SLC24A2: variants seen among roughly 807,000 people sequenced by gnomAD.
SLC24A2 encodes the protein solute carrier family 24 member 2.
SLC24A2 carries 36 observed loss-of-function variants against 62.0 expected under a neutral mutation model. That is an observed-to-expected ratio of 0.58 (90% confidence interval 0.44 to 0.77). The LOEUF is 0.77. SLC24A2 is among the 30% of genes least tolerant of loss of function. SLC24A2 has a pLI of 0.00. For synonymous variants in SLC24A2, 358 were observed against 294.0 expected, an observed-to-expected ratio of 1.22 and a Z score of -2.23; for missense variants, 846 against 817.9, an observed-to-expected ratio of 1.03 and a Z score of -0.42.
the SLC24A2 span, among the ~76,000 whole-genome samples, chr9:20,148,441 T>A: frequency 6.6e-6 from 1 of 152,086 alleles, no homozygotes; most frequent in African/African-American, 2.4e-5. Flanking sequence ...ACTATGGGCA[T>A]GAAGTCAAAG....
chr9:19,907,976 A>G, the SLC24A2 span, among the ~76,000 whole-genome samples: 2 of 152,210 alleles, frequency 1.3e-5, no homozygotes, highest in Admixed American at 1.3e-4. Context: ...CAGAATTGGA[A>G]AAAACTACTT....
the SLC24A2 span, among the ~76,000 whole-genome samples, chr9:19,810,221 A>G: frequency 6.6e-6 from 1 of 152,296 alleles, no homozygotes; most frequent in South Asian, 2.1e-4. Context: ...ACCTGTGCTC[A>G]TGCCAGGCAC....
At chr9:20,108,058 C>G in the SLC24A2 span, among the ~76,000 whole-genome samples, 1 of 152,180 alleles carries the variant, frequency 6.6e-6, no homozygotes, top group African/African-American at 2.4e-5. Flanking sequence ...AGACACTTCA[C>G]AAAAGAAGAC....
chr9:19,609,820 T>C (rs996103579), intron 4 of SLC24A2, among the ~76,000 whole-genome samples: 14 of 152,298 alleles, frequency 9.2e-5, no homozygotes, highest in Admixed American at 8.5e-4. Flanking sequence ...AGGATGAAAC[T>C]GTTCCACTTC....
intron 5 of SLC24A2, among the ~76,000 whole-genome samples, chr9:19,592,445 C>A (rs577474876): frequency 6.6e-6 from 1 of 152,248 alleles, no homozygotes; most frequent in East Asian, 1.9e-4. Context: ...CATATTGCTT[C>A]ATTGCAAGAT....
chr9:19,700,831 C>G (rs115225174), intron 2 of SLC24A2, among the ~76,000 whole-genome samples: 1 of 152,144 alleles, frequency 6.6e-6, no homozygotes, highest in African/African-American at 2.4e-5. Context: ...CTTTAATTAA[C>G]CTTCTCCATT....
chr9:19,709,078 T>C (rs1405202139), intron 2 of SLC24A2, among the ~76,000 whole-genome samples: 3 of 151,672 alleles, frequency 2.0e-5, no homozygotes, highest in African/African-American at 7.3e-5. Flanking sequence ...AAACAACCCA[T>C]CAAAAAGGGG....
intron 2 of SLC24A2, among the ~76,000 whole-genome samples, chr9:19,706,379 C>CTTTTTTTTTTTTT: frequency 7.6e-6 from 1 of 131,934 alleles, no homozygotes; most frequent in Non-Finnish European, 1.6e-5. Flanking sequence ...GGTCTTGAAT[C>CTTTTTTTTTTTTT]TTTTTTTTTT....
At chr9:19,846,755 A>G in the SLC24A2 span, among the ~76,000 whole-genome samples, 1 of 152,092 alleles carries the variant, frequency 6.6e-6, no homozygotes, top group East Asian at 1.9e-4. Context: ...GGCTGGGCAC[A>G]GTAGCTCATG....
intron 4 of SLC24A2, among the ~76,000 whole-genome samples, chr9:19,600,920 A>C (rs1245279163): frequency 6.6e-6 from 1 of 152,178 alleles, no homozygotes; most frequent in Non-Finnish European, 1.5e-5. Flanking sequence ...TAGACAAGAG[A>C]ATCAACCCAA....
At chr9:20,230,929 T>C in the SLC24A2 span, among the ~76,000 whole-genome samples, 1 of 152,202 alleles carries the variant, frequency 6.6e-6, no homozygotes, top group East Asian at 1.9e-4. Flanking sequence ...AAGGAAGTGA[T>C]CCAGTCTCAG....
At chr9:20,098,583 A>T in the SLC24A2 span, among the ~76,000 whole-genome samples, 3 of 152,168 alleles carry the variant, frequency 2.0e-5, no homozygotes, top group African/African-American at 7.2e-5. Flanking sequence ...GGCCTAAGAG[A>T]CCTAAAGGCC....
chr9:20,225,564 A>ATATATATTATATATATTATATATATAT, the SLC24A2 span, among the ~76,000 whole-genome samples: 1 of 115,966 alleles, frequency 8.6e-6, no homozygotes, highest in African/African-American at 4.0e-5. Context: ...TATATATTAT[A>ATATATATTATATATATTATATATATAT]TATATATATA....
the SLC24A2 span, among the ~76,000 whole-genome samples, chr9:20,138,029 A>G: frequency 6.6e-6 from 1 of 152,162 alleles, no homozygotes; most frequent in Non-Finnish European, 1.5e-5. Context: ...CAGCCCTGAG[A>G]GTTAAGGAAG....
chr9:19,987,919 C>T, the SLC24A2 span, among the ~76,000 whole-genome samples: 5 of 152,152 alleles, frequency 3.3e-5, no homozygotes, highest in South Asian at 1.0e-3. Flanking sequence ...ATCTTGTGTT[C>T]GTGCCCTATA....
chr9:19,959,221 G>T, the SLC24A2 span, among the ~76,000 whole-genome samples: 1 of 152,180 alleles, frequency 6.6e-6, no homozygotes, highest in South Asian at 2.1e-4. Context: ...CTGGGAATTG[G>T]AAAGAAGAAA....
At chr9:20,285,341 G>C in the SLC24A2 span, among the ~76,000 whole-genome samples, 1 of 152,224 alleles carries the variant, frequency 6.6e-6, no homozygotes, top group Admixed American at 6.5e-5. Flanking sequence ...GATTATGAAG[G>C]TTGGCAAGAC....
At chr9:20,120,967 C>A in the SLC24A2 span, among the ~76,000 whole-genome samples, 1 of 151,224 alleles carries the variant, frequency 6.6e-6, no homozygotes, top group Admixed American at 6.6e-5. Context: ...AAACTGTACT[C>A]TATTTCCTTT....
chr9:19,828,986 T>G, the SLC24A2 span, among the ~76,000 whole-genome samples: 1 of 152,186 alleles, frequency 6.6e-6, no homozygotes, highest in African/African-American at 2.4e-5. Context: ...TCTCCTCTAC[T>G]GCCTACTAAT....
Sources: gnomAD v4.1 joint callset for allele counts (sites outside exome capture counted in the v4.1 genomes callset) on GRCh38, gnomAD v4.1.1 for gene constraint, MANE v1.5 for transcripts, NCBI Gene and HGNC (gene_info 2026-07-23, HGNC 2026-07-21) for gene names.